DIAPH2: variants seen among roughly 807,000 people sequenced by gnomAD.
DIAPH2 encodes diaphanous related formin 2.
A neutral mutation model predicts 92.7 loss-of-function variants in DIAPH2; 35 were observed. The observed-to-expected ratio is 0.38, with a 90% CI of 0.29 to 0.50. The LOEUF is 0.50. DIAPH2 is among the 20% of genes least tolerant of loss of function. The pLI, the probability that DIAPH2 is intolerant of heterozygous loss-of-function variation, is 0.94. For synonymous variants in DIAPH2, 301 were observed against 280.4 expected (o/e 1.07, Z -0.73); for missense variants, 701 against 819.5 (o/e 0.86, Z 1.77).
chrX:97,597,438 T>C (rs1229478653), intron 26 of DIAPH2, among the ~76,000 whole-genome samples: 1 of 111,906 alleles, frequency 8.9e-6, no homozygotes, highest in Non-Finnish European at 1.9e-5. Context: ...TTGGATGTGG[T>C]ACTTGTCTTG....
intron 4 of DIAPH2, among the ~76,000 whole-genome samples, chrX:96,761,375 A>G (rs966557256): frequency 9.1e-6 from 1 of 109,755 alleles, no homozygotes; most frequent in African/African-American, 3.3e-5. Context: ...GTAGGAAATA[A>G]TTTAAAATAG....
chrX:97,195,907 AGTT>A (rs2067699767), intron 22 of DIAPH2, among the ~76,000 whole-genome samples: 1 of 110,722 alleles, frequency 9.0e-6, no homozygotes, highest in Non-Finnish European at 1.9e-5. Context: ...GTAGCTGGGT[AGTT>A]AACTTAGAAG....
chrX:97,225,005 T>G (rs1445085104), intron 22 of DIAPH2, among the ~76,000 whole-genome samples: 2 of 111,174 alleles, frequency 1.8e-5, no homozygotes, highest in African/African-American at 3.3e-5. Context: ...CATTTGAGAT[T>G]TTGGCTTATC....
intron 22 of DIAPH2, among the ~76,000 whole-genome samples, chrX:97,180,311 A>G (rs1273056030): frequency 8.9e-6 from 1 of 111,791 alleles, no homozygotes; most frequent in East Asian, 2.8e-4. Context: ...TCTATTAAGA[A>G]CTGTCTGTTC....
At chrX:96,757,303 G>C in intron 3 of DIAPH2, among the ~76,000 whole-genome samples, 1 of 111,473 alleles carries the variant, frequency 9.0e-6, no homozygotes, top group Non-Finnish European at 1.9e-5. Flanking sequence ...AGTTGTAAAA[G>C]TTCTTTGTAT....
intron 26 of DIAPH2, among the ~76,000 whole-genome samples, chrX:97,474,213 G>A (rs1332107363): frequency 8.9e-6 from 1 of 112,038 alleles, no homozygotes; most frequent in Non-Finnish European, 1.9e-5. Context: ...GTACTTACTG[G>A]TTAAATAATT....
At chrX:96,839,808 A>G (rs1174859169) in intron 4 of DIAPH2, among the ~76,000 whole-genome samples, 3 of 111,389 alleles carry the variant, frequency 2.7e-5, no homozygotes, top group African/African-American at 6.5e-5. Flanking sequence ...TGGAATTTCA[A>G]TTTTTGTATT....
At chrX:97,161,614 G>C (rs769030171) in intron 22 of DIAPH2, among the ~76,000 whole-genome samples, 11 of 111,048 alleles carry the variant, frequency 9.9e-5, no homozygotes, top group African/African-American at 3.6e-4. Context: ...ACCCAGACTG[G>C]GAAAAGTTAA....
intron 1 of DIAPH2, among the ~76,000 whole-genome samples, chrX:96,710,065 C>T (rs1158790504): frequency 9.0e-6 from 1 of 111,555 alleles, no homozygotes; most frequent in Non-Finnish European, 1.9e-5. Flanking sequence ...CTTTCTGGAA[C>T]ATTTGTGGTT....
At chrX:96,931,607 A>AG (rs1336762518) in intron 10 of DIAPH2, among the ~76,000 whole-genome samples, 1 of 109,496 alleles carries the variant, frequency 9.1e-6, no homozygotes. Flanking sequence ...CACTAAGGAG[A>AG]GAAAAAAACA....
At chrX:97,372,285 A>G (rs2069454991) in intron 24 of DIAPH2, among the ~76,000 whole-genome samples, 2 of 112,319 alleles carry the variant, frequency 1.8e-5, no homozygotes, top group African/African-American at 6.5e-5. Flanking sequence ...TTAATATCCA[A>G]GGAGATTTGC....
At chrX:97,040,105 ATTTATTG>A (rs1322603898) in intron 17 of DIAPH2, among the ~76,000 whole-genome samples, 2 of 109,446 alleles carry the variant, frequency 1.8e-5, no homozygotes, top group Non-Finnish European at 3.8e-5. Context: ...TTATTGTGTG[ATTTATTG>A]TGTGGTTCTT....
intron 17 of DIAPH2, among the ~76,000 whole-genome samples, chrX:97,058,915 G>T (rs2066576947): frequency 8.9e-6 from 1 of 111,908 alleles, no homozygotes; most frequent in Admixed American, 9.5e-5. Flanking sequence ...AATTAATTAA[G>T]TAGGGCAGCA....
chrX:97,425,357 A>G (rs570310145), intron 25 of DIAPH2, among the ~76,000 whole-genome samples: 2 of 112,256 alleles, frequency 1.8e-5, no homozygotes, highest in South Asian at 3.7e-4. Flanking sequence ...TCATGGTAAC[A>G]GTAGTTAATA....
Position 97,604,273 on chromosome X carries a change from G to A in DIAPH2, c.*4956G>A, listed in dbSNP as rs1281214944. On this transcript the variant is annotated 3_prime_UTR_variant, in exon 27 of 27. Transcript: ENST00000324765. ...ATAAGGACACTTGTGACGGGACTTA[G>A]GGCCCATCCAGATTACCCATGATAA... The A allele has an allele frequency of 9.0e-6, 1 of 111,641 alleles. No homozygotes were observed. Among genetic ancestry groups the A allele is most frequent in the Non-Finnish European group, 1.9e-5 (1 of 53,094 alleles). The allele number at this position is 111,641 out of a possible 1,213,427, so 9.2% of individuals were successfully genotyped here.
chrX:97,516,212 G>C (rs1471421579), intron 26 of DIAPH2, among the ~76,000 whole-genome samples: 1 of 109,322 alleles, frequency 9.1e-6, no homozygotes, highest in Non-Finnish European at 1.9e-5. Context: ...CCGAGATCGC[G>C]CCACTGCATT....
chrX:97,428,492 G>A (rs1283095251), intron 25 of DIAPH2, among the ~76,000 whole-genome samples: 3 of 106,912 alleles, frequency 2.8e-5, no homozygotes, highest in African/African-American at 6.9e-5. Context: ...TCACGATCAC[G>A]CCATTGCACT....
intron 26 of DIAPH2, among the ~76,000 whole-genome samples, chrX:97,571,796 A>G (rs890354163): frequency 8.9e-6 from 1 of 111,915 alleles, no homozygotes; most frequent in Non-Finnish European, 1.9e-5. Flanking sequence ...GGAGGAAAAT[A>G]GCCCCACTGA....
At chrX:96,733,461 G>T (rs2064068347) in intron 1 of DIAPH2, among the ~76,000 whole-genome samples, 1 of 111,187 alleles carries the variant, frequency 9.0e-6, no homozygotes, top group African/African-American at 3.3e-5. Context: ...TGTGACTGGA[G>T]CTGGGGGAAT....
Sources: gnomAD v4.1 joint callset for allele counts (sites outside exome capture counted in the v4.1 genomes callset) on GRCh38, gnomAD v4.1.1 for gene constraint, MANE v1.5 for transcripts, NCBI Gene and HGNC (gene_info 2026-07-23, HGNC 2026-07-21) for gene names.